The following GIPC2 variants were observed in gnomAD, a reference collection of about 807,000 sequenced individuals.
GIPC2 encodes the protein GIPC PDZ domain containing family member 2.
In GIPC2, 30 loss-of-function variants were observed where a neutral mutation model predicts 30.6. The observed-to-expected ratio is 0.98, with a 90% CI of 0.73 to 1.33. GIPC2 has a LOEUF of 1.33. GIPC2 is among the 40% of genes most tolerant of loss of function. The pLI is 0.00. For synonymous variants in GIPC2, 167 were observed against 150.0 expected (o/e 1.11, Z -0.83); for missense variants, 414 against 390.3 (o/e 1.06, Z -0.51).
rs1663041928 is a variant in GIPC2 at position 78,138,258 on chromosome 1, A to G, written c.*2515A>G. ...TCTGTGATGTTTCAAAAATACAATT[A>G]TATAATTATGATGTAAACTCTTTAA... On this transcript the variant is annotated 3_prime_UTR_variant, in exon 6 of 6. Transcript: ENST00000370759. 6.6e-6 allele frequency: 1 copy of G among 152,258 alleles called. No homozygotes were observed. The highest frequency in any genetic ancestry group is 2.4e-5 in the African/African-American group (1 of 41,470). The allele number at this position is 152,258 out of a possible 1,614,324, so 9.4% of individuals were successfully genotyped here. A position where few individuals can be genotyped will look rare whatever the true frequency, so the allele number is the denominator to read the frequency against.
Position 78,135,898 on chromosome 1 carries a change from G to T in GIPC2, c.*155G>T. On this transcript the variant is annotated 3_prime_UTR_variant, in exon 6 of 6. Coordinates refer to ENST00000370759, the MANE Select transcript of GIPC2 (RefSeq NM_017655.6). ...TTTGAAATATAATTTTGGTAATTTT[G>T]ATTTCTGGGCACTTTTTAACATTGC... is the stretch of plus-strand genomic sequence containing the variant. 1.7e-6 allele frequency: 1 copy of T among 576,346 alleles called. No individual in the cohort carries two copies. The highest frequency in any genetic ancestry group is 3.3e-5 in the East Asian group (1 of 30,450). 35.7% of individuals were successfully genotyped at this position (576,346 alleles called of 1,614,324 possible). A position where few individuals can be genotyped will look rare whatever the true frequency, so the allele number is the denominator to read the frequency against.
At chr1:78,094,439 A>G (rs1187676828) in intron 2 of GIPC2, among the ~76,000 whole-genome samples, 4 of 152,254 alleles carry the variant, frequency 2.6e-5, no homozygotes, top group Non-Finnish European at 5.9e-5. Flanking sequence ...TGAAGCTTTA[A>G]TCTTCCTGAC....
intron 2 of GIPC2, chr1:78,091,595 T>C (rs1662040524): frequency 1.3e-6 from 1 of 763,596 alleles, no homozygotes; most frequent in Non-Finnish European, 2.5e-6. Context: ...CGCGATCTTC[T>C]TCGGGAATGC....
At chr1:78,061,491 T>C (rs944073018) in intron 1 of GIPC2, among the ~76,000 whole-genome samples, 1 of 151,952 alleles carries the variant, frequency 6.6e-6, no homozygotes, top group African/African-American at 2.4e-5. Context: ...TGGTTTTTTT[T>C]TGTTTGTTTT....
intron 3 of GIPC2, among the ~76,000 whole-genome samples, chr1:78,107,756 TGGA>T (rs1221953644): frequency 8.2e-6 from 1 of 121,316 alleles, no homozygotes; most frequent in Non-Finnish European, 1.6e-5. Context: ...ACCTGGGAGG[TGGA>T]GGTTGCAGTG....
At chr1:78,117,938 C>T (rs1478312385) in intron 3 of GIPC2, among the ~76,000 whole-genome samples, 1 of 152,008 alleles carries the variant, frequency 6.6e-6, no homozygotes, top group Non-Finnish European at 1.5e-5. Context: ...CTTTCTCTCT[C>T]TCTCTTTTCT....
chr1:78,115,117 C>T lies in GIPC2; in HGVS notation c.608-4276C>T, dbSNP rs538986370. Among the ~76,000 whole-genome samples, 3 of 152,236 alleles carry T rather than the reference C, an allele frequency of 2.0e-5. No individual in the cohort carries two copies. In the South Asian group the frequency reaches 6.2e-4, roughly 32 times the overall value. ...CAGGGATGATACAACCTTTATGAAG[C>T]CCCACACTCCAGAGGCTGGGTCCTT... On this transcript the variant is annotated intron_variant, in intron 3 of 5. Coordinates refer to ENST00000370759, the MANE Select transcript of GIPC2 (RefSeq NM_017655.6).
chr1:78,101,111 CA>C (rs1662242591), intron 3 of GIPC2, among the ~76,000 whole-genome samples: 1 of 152,024 alleles, frequency 6.6e-6, no homozygotes, highest in Admixed American at 6.6e-5. Context: ...GGACCAAAAA[CA>C]GAGCAGTGAG....
chr1:78,084,269 T>A (rs1401218640), intron 2 of GIPC2, among the ~76,000 whole-genome samples: 1 of 152,154 alleles, frequency 6.6e-6, no homozygotes. Flanking sequence ...ATCCCAGCAC[T>A]TTGGGAGGCT....
rs535722793 is a variant in GIPC2, at chr1:78,097,270, A to G, written c.607+2138A>G. 4.6e-5 allele frequency among the ~76,000 whole-genome samples: 7 copies of G among 152,164 alleles called. No homozygotes were observed. The Middle Eastern group carries it at 0.01, about 222-fold the overall frequency. On this transcript the variant is annotated intron_variant, in intron 3 of 5. Transcript: ENST00000370759. Reference sequence around the variant, plus strand: ...AAGAATTCAAATTTCATAGTCCTTCATGATTGTCTGATTCTCTGTCCTCTT... The same window carrying G: ...AAGAATTCAAATTTCATAGTCCTTCGTGATTGTCTGATTCTCTGTCCTCTT...
At chr1:78,131,518 G>C (rs1446596238) in intron 5 of GIPC2, among the ~76,000 whole-genome samples, 1 of 152,076 alleles carries the variant, frequency 6.6e-6, no homozygotes, top group Non-Finnish European at 1.5e-5. Flanking sequence ...ATTGCATTCA[G>C]GTTTATTATT....
intron 1 of GIPC2, among the ~76,000 whole-genome samples, chr1:78,068,070 A>G (rs573112752): frequency 6.6e-6 from 1 of 152,180 alleles, no homozygotes; most frequent in Admixed American, 6.5e-5. Context: ...AACTTGGGCA[A>G]TAATACAATT....
At chr1:78,112,584 G>C in intron 3 of GIPC2, 1 of 517,934 alleles carries the variant, frequency 1.9e-6, no homozygotes, top group South Asian at 1.4e-5. Flanking sequence ...GTTCTGTGCG[G>C]AAGTGGGGAG....
At chr1:78,085,163 C>A (rs188388906) in intron 2 of GIPC2, among the ~76,000 whole-genome samples, 19 of 152,204 alleles carry the variant, frequency 1.2e-4, no homozygotes, top group Non-Finnish European at 1.0e-4. Flanking sequence ...TTATCAAAAG[C>A]CTTTTCTGCA....
intron 1 of GIPC2, among the ~76,000 whole-genome samples, chr1:78,066,604 A>G (rs1260354924): frequency 6.6e-6 from 1 of 152,240 alleles, no homozygotes; most frequent in Non-Finnish European, 1.5e-5. Context: ...TTGCAGCACT[A>G]TTCACAATAG....
At chr1:78,112,175 T>G (rs984032709) in intron 3 of GIPC2, among the ~76,000 whole-genome samples, 1 of 152,272 alleles carries the variant, frequency 6.6e-6, no homozygotes, top group Non-Finnish European at 1.5e-5. Context: ...AGAACAACTT[T>G]CATTTCACAG....
chr1:78,119,023 G>T (rs2100426726), intron 3 of GIPC2, among the ~76,000 whole-genome samples: 1 of 151,632 alleles, frequency 6.6e-6, no homozygotes, highest in South Asian at 2.1e-4. Context: ...ATTGGGAGAA[G>T]AAACCTCTCT....
At chr1:78,087,830 CAGAAT>C (rs1343659174) in intron 2 of GIPC2, among the ~76,000 whole-genome samples, 4 of 152,006 alleles carry the variant, frequency 2.6e-5, no homozygotes, top group African/African-American at 9.7e-5. Flanking sequence ...AGACAACCTA[CAGAAT>C]AGGAGAAAAA....
chr1:78,059,977 T>C (rs1661362850), intron 1 of GIPC2, among the ~76,000 whole-genome samples: 1 of 152,186 alleles, frequency 6.6e-6, no homozygotes, highest in African/African-American at 2.4e-5. Context: ...CAGTAAGGCA[T>C]AGTAGTATAA....
Sources: gnomAD v4.1 joint callset for allele counts (sites outside exome capture counted in the v4.1 genomes callset) on GRCh38, gnomAD v4.1.1 for gene constraint, MANE v1.5 for transcripts, NCBI Gene and HGNC (gene_info 2026-07-23, HGNC 2026-07-21) for gene names.